The following LGSN variants were observed in gnomAD, a reference collection of about 807,000 sequenced individuals.
LGSN encodes lengsin, lens protein with glutamine synthetase domain.
Under a neutral mutation model 19.5 loss-of-function variants are expected in LGSN, and 21 were observed. That is an observed-to-expected ratio of 1.07 (90% CI 0.76 to 1.55). The LOEUF is 1.55. Ranked by LOEUF, LGSN falls within the 40% of genes most tolerant of loss-of-function variation. LGSN has a pLI of 0.00. For missense variants in LGSN, 673 were observed against 608.5 expected (o/e 1.11, Z -1.12); for synonymous variants, 257 against 215.6 (o/e 1.19, Z -1.68).
At chr6:63,481,479 G>T in the LGSN span, among the ~76,000 whole-genome samples, 1 of 151,362 alleles carries the variant, frequency 6.6e-6, no homozygotes, top group African/African-American at 2.4e-5. Flanking sequence ...AGTAGCTGGG[G>T]CTACAGGCGC....
chr6:63,387,189 T>C, the LGSN span, among the ~76,000 whole-genome samples: 2 of 152,138 alleles, frequency 1.3e-5, no homozygotes, highest in African/African-American at 4.8e-5. Flanking sequence ...GAACCAAAGA[T>C]TATCTTAAAG....
At chr6:63,412,492 A>G in the LGSN span, among the ~76,000 whole-genome samples, 5 of 92,606 alleles carry the variant, frequency 5.4e-5, no homozygotes, top group East Asian at 2.9e-4. Context: ...AGAAGAAAGA[A>G]AGAAAGAAAG....
chr6:63,337,964 C>A, the LGSN span, among the ~76,000 whole-genome samples: 1 of 152,094 alleles, frequency 6.6e-6, no homozygotes, highest in Non-Finnish European at 1.5e-5. Flanking sequence ...TGGCTCACTG[C>A]AACCTCCACC....
chr6:63,454,526 G>T, the LGSN span, among the ~76,000 whole-genome samples: 2 of 139,204 alleles, frequency 1.4e-5, no homozygotes, highest in Non-Finnish European at 3.0e-5. Context: ...GGGCTGGAGT[G>T]CAGTGGCGTG....
the LGSN span, among the ~76,000 whole-genome samples, chr6:63,512,400 C>T: frequency 2.0e-5 from 3 of 152,146 alleles, no homozygotes; most frequent in Non-Finnish European, 2.9e-5. Flanking sequence ...TCATTCTTTG[C>T]GTGGTGGCTT....
chr6:63,557,771 G>A, the LGSN span, among the ~76,000 whole-genome samples: 1 of 152,094 alleles, frequency 6.6e-6, no homozygotes, highest in Admixed American at 6.6e-5. Flanking sequence ...ATCTTGAAGG[G>A]TCTTAAATAT....
chr6:63,447,995 T>C, the LGSN span, among the ~76,000 whole-genome samples: 1 of 152,230 alleles, frequency 6.6e-6, no homozygotes, highest in Non-Finnish European at 1.5e-5. Context: ...GCAATACTCA[T>C]CTGATTCTCA....
At chr6:63,378,450 A>G in the LGSN span, among the ~76,000 whole-genome samples, 1 of 152,194 alleles carries the variant, frequency 6.6e-6, no homozygotes, top group Non-Finnish European at 1.5e-5. Context: ...AGGTATAGGC[A>G]TGATATTAAT....
At chr6:63,411,703 G>T in the LGSN span, among the ~76,000 whole-genome samples, 1 of 152,114 alleles carries the variant, frequency 6.6e-6, no homozygotes, top group African/African-American at 2.4e-5. Flanking sequence ...AGCTGGATGT[G>T]GTGGTGTGCA....
chr6:63,383,953 C>A, the LGSN span, among the ~76,000 whole-genome samples: 3 of 152,144 alleles, frequency 2.0e-5, no homozygotes, highest in Non-Finnish European at 2.9e-5. Context: ...TCCCACATAC[C>A]AGCTTCTCTG....
At chr6:63,281,953 C>T (rs1354236101) in intron 3 of LGSN, among the ~76,000 whole-genome samples, 1 of 152,242 alleles carries the variant, frequency 6.6e-6, no homozygotes, top group Non-Finnish European at 1.5e-5. Flanking sequence ...GATCTGCCTT[C>T]TCATCCTAGC....
At chr6:63,412,416 A>AAAGAGAGAG in the LGSN span, among the ~76,000 whole-genome samples, 4 of 97,474 alleles carry the variant, frequency 4.1e-5, no homozygotes, top group African/African-American at 2.7e-4. Flanking sequence ...AGAAAGAAAG[A>AAAGAGAGAG]AGAAAGAAAG....
chr6:63,488,948 T>C, the LGSN span, among the ~76,000 whole-genome samples: 5 of 152,278 alleles, frequency 3.3e-5, no homozygotes, highest in Admixed American at 1.3e-4. Context: ...GATCACAGAA[T>C]CTTTCTGGAA....
intron 1 of LGSN, among the ~76,000 whole-genome samples, chr6:63,297,327 G>A (rs1169664251): frequency 2.2e-5 from 3 of 135,574 alleles, no homozygotes; most frequent in African/African-American, 8.2e-5. Context: ...TGGGCAAGAA[G>A]AGTGAGAGAA....
chr6:63,324,968 T>C (rs1769200285), upstream of LGSN, among the ~76,000 whole-genome samples: 1 of 150,954 alleles, frequency 6.6e-6, no homozygotes, highest in Non-Finnish European at 1.5e-5. Flanking sequence ...TAGCTGGGCG[T>C]GGTTGAGCGC....
At chr6:63,482,792 C>T in the LGSN span, among the ~76,000 whole-genome samples, 1 of 152,166 alleles carries the variant, frequency 6.6e-6, no homozygotes, top group South Asian at 2.1e-4. Context: ...CCTCCACCTT[C>T]CAGATTCAAG....
the LGSN span, among the ~76,000 whole-genome samples, chr6:63,377,913 C>CAAAAA: frequency 0.01 from 547 of 52,262 alleles, no homozygotes; most frequent in Middle Eastern, 0.017. Flanking sequence ...GACTCCATCT[C>CAAAAA]AAAAAAAAAA....
the LGSN span, among the ~76,000 whole-genome samples, chr6:63,362,734 G>T: frequency 2.0e-5 from 3 of 152,184 alleles, no homozygotes; most frequent in Non-Finnish European, 2.9e-5. Flanking sequence ...GCAGTTCAAG[G>T]AGGCCTGCCT....
the LGSN span, among the ~76,000 whole-genome samples, chr6:63,565,658 T>C: frequency 6.6e-6 from 1 of 152,218 alleles, no homozygotes; most frequent in East Asian, 1.9e-4. Context: ...CAGGCAGCTA[T>C]TGGCCTTTGG....
Sources: gnomAD v4.1 joint callset for allele counts (sites outside exome capture counted in the v4.1 genomes callset) on GRCh38, gnomAD v4.1.1 for gene constraint, MANE v1.5 for transcripts, NCBI Gene and HGNC (gene_info 2026-07-23, HGNC 2026-07-21) for gene names.